The following GABRG3 variants were observed in gnomAD, a reference collection of about 807,000 sequenced individuals.
GABRG3 encodes the protein gamma-aminobutyric acid type A receptor subunit gamma3.
Under a neutral mutation model 48.8 loss-of-function variants are expected in GABRG3, and 25 were observed. The ratio of observed to expected loss-of-function variants is 0.51; its 90% CI spans 0.37 to 0.72. The LOEUF (loss-of-function observed/expected upper bound fraction) is 0.72, where lower values mean the gene tolerates loss of function less well. Among genes scored for constraint, GABRG3 ranks in the 30% least tolerant of loss-of-function variants. The pLI is 0.00. For synonymous variants in GABRG3, 227 were observed against 217.6 expected (o/e 1.04, Z -0.38); for missense variants, 394 against 577.9 (o/e 0.68, Z 3.26).
intron 5 of GABRG3, among the ~76,000 whole-genome samples, chr15:27,464,074 T>C (rs1167319356): frequency 6.6e-6 from 1 of 152,184 alleles, no homozygotes; most frequent in Non-Finnish European, 1.5e-5. Context: ...CCAGGTTTTT[T>C]TAAATGACTG....
intron 6 of GABRG3, among the ~76,000 whole-genome samples, chr15:27,490,946 A>G (rs1054981781): frequency 4.1e-5 from 6 of 146,920 alleles, no homozygotes; most frequent in Non-Finnish European, 7.4e-5. Context: ...GCCATTGAAG[A>G]TGTCTGTCGT....
chr15:27,461,843 A>G (rs1889459749), intron 5 of GABRG3, among the ~76,000 whole-genome samples: 1 of 152,242 alleles, frequency 6.6e-6, no homozygotes, highest in African/African-American at 2.4e-5. Flanking sequence ...AGCCAAAAAC[A>G]GTGTAGAGAG....
chr15:27,386,559 T>C lies in GABRG3; in HGVS notation c.574+57671T>C, dbSNP rs546240032. 2.0e-5 allele frequency among the ~76,000 whole-genome samples: 3 copies of C among 152,222 alleles called. No individual in the cohort carries two copies. In the South Asian group the frequency reaches 6.2e-4, roughly 32 times the overall value. On this transcript the variant is annotated intron_variant, in intron 5 of 9. Transcript: ENST00000615808. ...CATGGAACTTGGGGGACTTTTTTTT[T>C]CAGGAGAATTTTTCTGTGCTCTGCT...
chr15:27,041,381 C>T (rs969635439), intron 3 of GABRG3, among the ~76,000 whole-genome samples: 3 of 152,066 alleles, frequency 2.0e-5, no homozygotes, highest in Non-Finnish European at 4.4e-5. Flanking sequence ...CAGGGTTTTC[C>T]CATGTTGCCC....
chr15:27,342,658 C>G (rs1395594010), intron 5 of GABRG3, among the ~76,000 whole-genome samples: 1 of 152,220 alleles, frequency 6.6e-6, no homozygotes, highest in Non-Finnish European at 1.5e-5. Flanking sequence ...CATTCTTCAT[C>G]AGAGTATTGT....
chr15:27,200,515 C>A (rs1888648074), intron 3 of GABRG3, among the ~76,000 whole-genome samples: 1 of 152,172 alleles, frequency 6.6e-6, no homozygotes, highest in African/African-American at 2.4e-5. Flanking sequence ...CCAGGTGCCC[C>A]AGACACATTA....
chr15:27,088,262 C>T (rs963137734), intron 3 of GABRG3, among the ~76,000 whole-genome samples: 24 of 69,486 alleles, frequency 3.5e-4, no homozygotes, highest in Admixed American at 3.3e-3. Flanking sequence ...GGCGCGGGGG[C>T]GGGCGCGGGG....
chr15:27,356,306 A>C (rs1443020030), intron 5 of GABRG3, among the ~76,000 whole-genome samples: 1 of 152,092 alleles, frequency 6.6e-6, no homozygotes, highest in South Asian at 2.1e-4. Context: ...ACCAAAGTTG[A>C]CCTCTCACAA....
chr15:27,067,674 T>G (rs956483023), intron 3 of GABRG3, among the ~76,000 whole-genome samples: 1 of 152,190 alleles, frequency 6.6e-6, no homozygotes, highest in Non-Finnish European at 1.5e-5. Context: ...GGCCCCGATT[T>G]TGGGGAGGCT....
At chr15:27,020,578 A>AT (rs35179540) in intron 2 of GABRG3, among the ~76,000 whole-genome samples, 3,334 of 149,078 alleles carry the variant, frequency 0.022, 49 homozygotes, top group Non-Finnish European at 0.034. Context: ...CGCCCGGCTA[A>AT]TTTTTTTTTT....
chr15:26,972,682 C>T (rs1894869039), intron 1 of GABRG3, among the ~76,000 whole-genome samples: 1 of 152,154 alleles, frequency 6.6e-6, no homozygotes, highest in Non-Finnish European at 1.5e-5. Context: ...GAGGCCTTGC[C>T]TTTTCATTCC....
chr15:27,123,478 G>A (rs1897766209), intron 3 of GABRG3, among the ~76,000 whole-genome samples: 1 of 152,214 alleles, frequency 6.6e-6, no homozygotes, highest in South Asian at 2.1e-4. Flanking sequence ...ATGAGGAACA[G>A]GCCTTCGCCA....
intron 2 of GABRG3, among the ~76,000 whole-genome samples, chr15:26,998,116 G>A (rs997185343): frequency 2.0e-5 from 3 of 152,206 alleles, no homozygotes; most frequent in Admixed American, 1.3e-4. Context: ...GATGCCCAGT[G>A]TTGACTGTGA....
intron 5 of GABRG3, among the ~76,000 whole-genome samples, chr15:27,453,525 T>C (rs529446077): frequency 2.1e-4 from 32 of 152,222 alleles, no homozygotes; most frequent in Non-Finnish European, 3.7e-4. Context: ...TTTAATTATC[T>C]CAGTAACCTT....
chr15:27,207,196 C>T (rs1888882439), intron 3 of GABRG3, among the ~76,000 whole-genome samples: 1 of 152,072 alleles, frequency 6.6e-6, no homozygotes, highest in Admixed American at 6.5e-5. Context: ...AAATAAAGCA[C>T]TTAGCACGAG....
chr15:27,097,169 G>A (rs1897279068), intron 3 of GABRG3, among the ~76,000 whole-genome samples: 1 of 151,970 alleles, frequency 6.6e-6, no homozygotes, highest in Non-Finnish European at 1.5e-5. Flanking sequence ...CTTTTCTAGT[G>A]TCAGATCCTT....
rs79355186 is a variant in GABRG3 at position 27,513,757 on chromosome 15, A to G, written c.713-6215A>G. Reference sequence around the variant, plus strand: ...CAACCAGGTCCCAGGAAAACAGGACACGAGACACATGTTAATAAAGTTATA... The same window carrying G: ...CAACCAGGTCCCAGGAAAACAGGACGCGAGACACATGTTAATAAAGTTATA... On this transcript the variant is annotated intron_variant, in intron 6 of 9. Coordinates refer to ENST00000615808, the MANE Select transcript of GABRG3 (RefSeq NM_033223.5). 4.6e-5 allele frequency among the ~76,000 whole-genome samples: 7 copies of G among 152,356 alleles called. No homozygotes were observed. The East Asian group carries it at 1.3e-3, about 29-fold the overall frequency.
intron 3 of GABRG3, among the ~76,000 whole-genome samples, chr15:27,056,879 G>T (rs141121991): frequency 6.6e-6 from 1 of 152,098 alleles, no homozygotes; most frequent in East Asian, 1.9e-4. Flanking sequence ...GACTGTGATC[G>T]GGAAAAAGCA....
At chr15:27,210,855 G>A (rs1275326902) in intron 3 of GABRG3, among the ~76,000 whole-genome samples, 1 of 152,116 alleles carries the variant, frequency 6.6e-6, no homozygotes, top group Non-Finnish European at 1.5e-5. Context: ...TGTTAGAGTA[G>A]ACCAGAAGGC....
Sources: gnomAD v4.1 joint callset for allele counts (sites outside exome capture counted in the v4.1 genomes callset) on GRCh38, gnomAD v4.1.1 for gene constraint, MANE v1.5 for transcripts, NCBI Gene and HGNC (gene_info 2026-07-23, HGNC 2026-07-21) for gene names.